PLEKHA4: variants seen among roughly 807,000 people sequenced by gnomAD.
PLEKHA4 encodes the protein pleckstrin homology domain-containing family A member 4.
In PLEKHA4, 73 loss-of-function variants were observed where a neutral mutation model predicts 94.7. That is an observed-to-expected ratio of 0.77 (90% CI 0.64 to 0.94). PLEKHA4 has a LOEUF of 0.94. Among genes scored for constraint, PLEKHA4 ranks in the 40% least tolerant of loss-of-function variants. The pLI is 0.00. For missense variants in PLEKHA4, 1,049 were observed against 1,054.1 expected, an observed-to-expected ratio of 1.00 and a Z score of 0.07; for synonymous variants, 449 against 437.1, an observed-to-expected ratio of 1.03 and a Z score of -0.34.
At chr19:48,854,293 A>G in intron 9 of PLEKHA4, 29 bp from the exon 10 acceptor site, 1 of 1,604,822 alleles carries the variant, frequency 6.2e-7, no homozygotes. Context: ...GTCAGGGGTC[A>G]AAGGGGACAG....
At chr19:48,863,056 C>G (rs2036704054) in intron 3 of PLEKHA4, among the ~76,000 whole-genome samples, 1 of 151,882 alleles carries the variant, frequency 6.6e-6, no homozygotes, top group Non-Finnish European at 1.5e-5. Flanking sequence ...CTGAACTACT[C>G]ATCGCCTCTG....
intron 9 of PLEKHA4, among the ~76,000 whole-genome samples, chr19:48,855,905 G>C (rs570776204): frequency 2.6e-5 from 4 of 152,182 alleles, no homozygotes; most frequent in African/African-American, 9.6e-5. Context: ...AGGCGCAGTG[G>C]CTCATGCCTG....
intron 9 of PLEKHA4, among the ~76,000 whole-genome samples, chr19:48,856,996 G>C (rs1478229511): frequency 6.6e-6 from 1 of 150,622 alleles, no homozygotes; most frequent in South Asian, 2.1e-4. Context: ...GTTAAGTTAC[G>C]ACGATGTCAT....
intron 8 of PLEKHA4, 63 bp downstream of exon 8, chr19:48,858,797 C>G: frequency 6.3e-7 from 1 of 1,582,940 alleles, no homozygotes; most frequent in Admixed American, 1.7e-5. Context: ...CTTGAGAATA[C>G]GGAAAGACAG....
chr19:48,861,913 T>A (rs1277744485), intron 3 of PLEKHA4, among the ~76,000 whole-genome samples: 4 of 151,548 alleles, frequency 2.6e-5, no homozygotes, highest in African/African-American at 4.9e-5. Context: ...ATCACTCAAT[T>A]CCAGGAGTTT....
At position 48,858,895 on chromosome 19, in the gene PLEKHA4, T is replaced by A. The variant is rs2036526830; in HGVS notation, c.937A>T (p.Ser313Cys). Residue 313 changes from serine (S) to cysteine (C), a missense_variant, in exon 8 of 20, where the codon AGT becomes TGT. Physicochemically the swap from Ser to Cys is moderately radical, Grantham distance 112. Coordinates refer to ENST00000263265, the MANE Select transcript of PLEKHA4 (RefSeq NM_020904.3). ...SEAGGGKPPR[S>C]PQHWSQEPRT... ...GGCTCCTGACTCCAGTGCTGGGGACTCCTGGGGGGCTTTCCTCCCCCAGCC... is the reference window on the plus strand; with the variant it reads ...GGCTCCTGACTCCAGTGCTGGGGACACCTGGGGGGCTTTCCTCCCCCAGCC... 6.2e-7 allele frequency: 1 copy of A among 1,609,002 alleles called. No individual in the cohort carries two copies. Among genetic ancestry groups the A allele is most frequent in the Non-Finnish European group, 8.5e-7 (1 of 1,178,558 alleles).
intron 3 of PLEKHA4, among the ~76,000 whole-genome samples, chr19:48,864,675 C>T (rs546454843): frequency 6.6e-6 from 1 of 152,282 alleles, no homozygotes; most frequent in Admixed American, 6.5e-5. Flanking sequence ...ATCCTCCTGC[C>T]TTAGCCTCCC....
rs1252637988 is a variant in PLEKHA4, at chr19:48,853,833, T to C, written c.1177-2A>G. The C allele has an allele frequency of 2.5e-6, 4 of 1,604,628 alleles. No homozygotes were observed. Among genetic ancestry groups the C allele is most frequent in the Non-Finnish European group, 3.4e-6 (4 of 1,175,384 alleles). On this transcript the variant is annotated splice_acceptor_variant, in intron 11 of 19. Transcript: ENST00000263265. LOFTEE classifies it high-confidence loss of function. ...CTCCAGAGCTGCTTCTAGTTGCTCC[T>C]GCACCAAGACAGAAGGTGGTTAGAC...
At chr19:48,843,497 T>A (rs901815131) in intron 16 of PLEKHA4, among the ~76,000 whole-genome samples, 10 of 151,326 alleles carry the variant, frequency 6.6e-5, no homozygotes, top group African/African-American at 2.2e-4. Flanking sequence ...TTTTTTTTTT[T>A]AAAGACATGG....
intron 6 of PLEKHA4, chr19:48,860,111 G>A (rs1287480406): frequency 1.7e-6 from 1 of 585,472 alleles, no homozygotes; most frequent in Non-Finnish European, 3.0e-6. Context: ...AGAGCTGAGT[G>A]CGTGACTGAA....
intron 17 of PLEKHA4, among the ~76,000 whole-genome samples, chr19:48,839,902 C>T (rs2035686820): frequency 6.6e-6 from 1 of 150,616 alleles, no homozygotes; most frequent in African/African-American, 2.4e-5. Flanking sequence ...AGTTTAAGAA[C>T]AGCCTGGTCA....
chr19:48,867,280 C>T lies in PLEKHA4; in HGVS notation c.84+257G>A, dbSNP rs1270769687. ...CTCGAGGGGCCTCATGGCTGGGGAG[C>T]GGCTTTATCTTAGCAACCAGGGTCA... is the stretch of plus-strand genomic sequence containing the variant. On this transcript the variant is annotated intron_variant, in intron 2 of 19. Transcript: ENST00000263265. The surrounding 1 kb of genome is among the most constrained non-coding windows in gnomAD (Gnocchi z 4.7). 1.3e-5 allele frequency among the ~76,000 whole-genome samples: 2 copies of T among 152,030 alleles called. No homozygotes were observed. The highest frequency in any genetic ancestry group is 6.6e-5 in the Admixed American group (1 of 15,266).
intron 3 of PLEKHA4, among the ~76,000 whole-genome samples, chr19:48,862,572 G>A (rs547367282): frequency 5.3e-5 from 8 of 150,884 alleles, no homozygotes; most frequent in East Asian, 3.9e-4. Context: ...GCAGTGGCAC[G>A]ATCTCAGCTC....
rs2035554503 is a variant in PLEKHA4 at position 48,837,126 on chromosome 19, G to T, written c.*163C>A. On this transcript the variant is annotated 3_prime_UTR_variant, in exon 20 of 20. Transcript: ENST00000263265. The surrounding 1 kb of genome is among the most constrained non-coding windows in gnomAD (Gnocchi z 4.3). ...AGTTCAAAGTTTTAATCCAAATTTA[G>T]ACAGTGTTGAGAAAACCAAACTTTG... The T allele has an allele frequency of 1.1e-6, 1 of 885,462 alleles. No individual in the cohort carries two copies. The allele number at this position is 885,462 out of a possible 1,614,324, so 54.9% of individuals were successfully genotyped here. A position where few individuals can be genotyped will look rare whatever the true frequency, so the allele number is the denominator to read the frequency against.
chr19:48,857,925 T>C (rs573454086), intron 8 of PLEKHA4, among the ~76,000 whole-genome samples: 1 of 149,726 alleles, frequency 6.7e-6, no homozygotes, highest in South Asian at 2.1e-4. Flanking sequence ...AAAATAATAA[T>C]AATAATTAAA....
intron 9 of PLEKHA4, among the ~76,000 whole-genome samples, chr19:48,856,490 C>A (rs370661091): frequency 6.6e-6 from 1 of 151,702 alleles, no homozygotes; most frequent in South Asian, 2.1e-4. Flanking sequence ...GAGGCCGAGG[C>A]GGGAGGATCA....
At position 48,863,299 on chromosome 19, in the gene PLEKHA4, G is replaced by A. The variant is rs569397280; in HGVS notation, c.193-1607C>T. On this transcript the variant is annotated intron_variant, in intron 3 of 19. Coordinates refer to ENST00000263265, the MANE Select transcript of PLEKHA4 (RefSeq NM_020904.3). ...GATGGAGTCTCGCTCTGTCACCCAG[G>A]CTGGAGTGCAGTGGCACAATCTCGG... Among the ~76,000 whole-genome samples the A allele has an allele frequency of 3.9e-5, 6 of 152,294 alleles. No individual in the cohort carries two copies. The South Asian group carries it at 1.2e-3, about 32-fold the overall frequency.
At chr19:48,849,702 T>C (rs185966485) in intron 13 of PLEKHA4, among the ~76,000 whole-genome samples, 2 of 152,292 alleles carry the variant, frequency 1.3e-5, no homozygotes, top group East Asian at 3.9e-4. Flanking sequence ...GGTTTATATT[T>C]TAGGAGCAGA....
In PLEKHA4 at chr19:48,839,246, C is replaced by T; in HGVS notation, c.1923G>A (p.Ser641=). 2.1e-5 allele frequency: 34 copies of T among 1,593,826 alleles called. No homozygotes were observed. The highest frequency in any genetic ancestry group is 2.7e-5 in the Non-Finnish European group (31 of 1,166,788). Reference sequence around the variant, plus strand: ...AGCTTCTGAGCCATTTCTGGGCTCCCGAGTGTCCTACGACAGGCTGGAAAG... The same window carrying T: ...AGCTTCTGAGCCATTTCTGGGCTCCTGAGTGTCCTACGACAGGCTGGAAAG... ...DVEQRPVVGH[S]GAQKWLRSSG... Residue 641 remains serine, a synonymous_variant, in exon 18 of 20, where the codon TCG becomes TCA. Coordinates refer to ENST00000263265, the MANE Select transcript of PLEKHA4 (RefSeq NM_020904.3).
Sources: gnomAD v4.1 joint callset for allele counts (sites outside exome capture counted in the v4.1 genomes callset) on GRCh38, gnomAD v4.1.1 for gene constraint, Gnocchi (gnomAD v3.1) non-coding constraint, MANE v1.5 for transcripts, NCBI Gene and HGNC (gene_info 2026-07-23, HGNC 2026-07-21) for gene names.